SLC1A6: variants seen among roughly 807,000 people sequenced by gnomAD.
SLC1A6 encodes excitatory amino acid transporter 4.
In SLC1A6, 15 loss-of-function variants were observed where a neutral mutation model predicts 42.1. The ratio of observed to expected loss-of-function variants is 0.36; its 90% confidence interval spans 0.24 to 0.55. The LOEUF (loss-of-function observed/expected upper bound fraction) is 0.55, where lower values mean the gene tolerates loss of function less well. Ranked by LOEUF, SLC1A6 falls within the 20% of genes least tolerant of loss-of-function variation. The probability of loss-of-function intolerance (pLI) is 0.88; values close to 1 mark genes in which losing one functional copy is unlikely to be tolerated. For synonymous variants in SLC1A6, 317 were observed against 319.7 expected (o/e 0.99, Z 0.09); for missense variants, 542 against 772.5 (o/e 0.70, Z 3.54).
chr19:14,952,336 CAGG>C (rs957061246), intron 9 of SLC1A6, among the ~76,000 whole-genome samples: 8 of 151,230 alleles, frequency 5.3e-5, no homozygotes, highest in Admixed American at 5.3e-4. Flanking sequence ...ATCACGAGGT[CAGG>C]AGATCGAGAC....
chr19:15,004,426 C>T lies in SLC1A6; in HGVS notation c.6+6059G>A, dbSNP rs558059744. The stretch of plus-strand genomic sequence containing the variant: ...ATAGTAAAACAAAAAATAAGGCTGG[C>T]CATGGTGGCTTGTGGCCATAATCCC... On this transcript the variant is annotated intron_variant, in intron 1 of 8. Transcript: ENST00000430939. Among the ~76,000 whole-genome samples, 8 of 151,134 alleles carry T rather than the reference C, an allele frequency of 5.3e-5. No homozygotes were observed. In the South Asian group the frequency reaches 1.7e-3, roughly 32 times the overall value.
intron 3 of SLC1A6, among the ~76,000 whole-genome samples, chr19:14,968,783 C>T (rs1229579722): frequency 6.6e-6 from 1 of 152,118 alleles, no homozygotes; most frequent in African/African-American, 2.4e-5. Context: ...TCCAAGCCAC[C>T]TTTTCCACAC....
chr19:14,981,442 T>C (rs2045767243), upstream of SLC1A6, among the ~76,000 whole-genome samples: 1 of 152,222 alleles, frequency 6.6e-6, no homozygotes. Context: ...CTGTCCTAGA[T>C]GTCAGATTCC....
chr19:14,998,072 A>C (rs2045855773), intron 1 of SLC1A6, among the ~76,000 whole-genome samples: 1 of 152,120 alleles, frequency 6.6e-6, no homozygotes, highest in Non-Finnish European at 1.5e-5. Context: ...CATGTAAACT[A>C]AAAATAAAAT....
chr19:14,961,198 C>T (rs1278720971), intron 6 of SLC1A6: 1 of 152,188 alleles, frequency 6.6e-6, no homozygotes, highest in Non-Finnish European at 1.5e-5. Flanking sequence ...TGAGCCACCA[C>T]ACCCTGCCTA....
intron 4 of SLC1A6, among the ~76,000 whole-genome samples, chr19:14,965,027 T>C (rs1218259794): frequency 6.6e-6 from 1 of 151,564 alleles, no homozygotes; most frequent in Non-Finnish European, 1.5e-5. Context: ...AGATTTCTTT[T>C]TTTTTTTTTT....
At chr19:14,956,842 C>T in intron 6 of SLC1A6, 133 bp from the exon 7 acceptor site, 1 of 602,120 alleles carries the variant, frequency 1.7e-6, no homozygotes, top group Non-Finnish European at 2.9e-6. Context: ...CACCCTACTC[C>T]ATCCCAGTCT....
chr19:14,953,868 C>T (rs1429753986), intron 8 of SLC1A6, among the ~76,000 whole-genome samples: 1 of 152,162 alleles, frequency 6.6e-6, no homozygotes, highest in Non-Finnish European at 1.5e-5. Flanking sequence ...ATGCACCAGC[C>T]ATGCTTTGGA....
chr19:15,005,427 T>C (rs1215508553), intron 1 of SLC1A6, among the ~76,000 whole-genome samples: 1 of 152,070 alleles, frequency 6.6e-6, no homozygotes, highest in Non-Finnish European at 1.5e-5. Flanking sequence ...GAGAATCACT[T>C]GAACCTGGGA....
chr19:15,009,667 A>C (rs537759100), intron 1 of SLC1A6, among the ~76,000 whole-genome samples: 45 of 152,134 alleles, frequency 3.0e-4, no homozygotes, highest in Admixed American at 2.7e-3. Context: ...AATGTACACT[A>C]TTTGGGTGAT....
At position 14,956,513 on chromosome 19, in the gene SLC1A6, G is replaced by C. The variant is rs2045464523; in HGVS notation, c.1132C>G (p.Leu378Val). ...CCCATAGCGGTGATGAGGGCTTGTA[G>C]CATGCCCCCAATGAAGGGGAAGGGG... Reference protein sequence around the residue: ...RNPFPFIGGMLQALITAMGTS... With the variant: ...RNPFPFIGGMVQALITAMGTS... The change falls in exon 7 of 10, where the codon CTA becomes GTA. Residue 378 changes from leucine (L) to valine (V), a missense_variant. This residue lies in a region of SLC1A6 where 298 missense variants were observed against 419.4 expected (regional missense o/e 0.71). Coordinates refer to ENST00000594383, the MANE Select transcript of SLC1A6 (RefSeq NM_005071.3). 6 of 1,606,140 alleles carry C rather than the reference G, an allele frequency of 3.7e-6. No homozygotes were observed. Among genetic ancestry groups the C allele is most frequent in the Non-Finnish European group, 5.1e-6 (6 of 1,175,516 alleles).
At chr19:15,008,949 T>C (rs1436405483) in intron 1 of SLC1A6, among the ~76,000 whole-genome samples, 1 of 151,326 alleles carries the variant, frequency 6.6e-6, no homozygotes, top group Admixed American at 6.6e-5. Flanking sequence ...TGAGCCGAGA[T>C]CATGCCACTG....
chr19:14,958,564 G>A (rs1242281689), intron 6 of SLC1A6, among the ~76,000 whole-genome samples: 1 of 152,026 alleles, frequency 6.6e-6, no homozygotes, highest in Non-Finnish European at 1.5e-5. Flanking sequence ...CTCCAAACTG[G>A]GCTCAGAGTT....
chr19:14,964,152 C>G (rs376976002), intron 5 of SLC1A6, 167 bp downstream of exon 5: 41 of 650,832 alleles, frequency 6.3e-5, no homozygotes, highest in South Asian at 2.4e-4. Flanking sequence ...CCTAACCCCC[C>G]CAGATCACCA....
chr19:15,003,744 A>C (rs1424031718), intron 1 of SLC1A6, among the ~76,000 whole-genome samples: 5 of 152,062 alleles, frequency 3.3e-5, no homozygotes, highest in African/African-American at 1.2e-4. Context: ...CTGCAATTTC[A>C]CTCGATTTCG....
At chr19:14,955,207 T>C (rs1459886052) in intron 7 of SLC1A6, among the ~76,000 whole-genome samples, 5 of 152,210 alleles carry the variant, frequency 3.3e-5, no homozygotes, top group Non-Finnish European at 2.9e-5. Flanking sequence ...AGTTTAATTC[T>C]AGGATACAGT....
At chr19:14,996,588 C>CTTCTTCTTCTTCT (rs1555710449) in intron 1 of SLC1A6, among the ~76,000 whole-genome samples, 37 of 150,470 alleles carry the variant, frequency 2.5e-4, no homozygotes, top group Non-Finnish European at 3.4e-4. Context: ...TCTTCTTCCT[C>CTTCTTCTTCTTCT]TCATTGTACC....
At chr19:14,991,183 G>A (rs758396268) in intron 1 of SLC1A6, among the ~76,000 whole-genome samples, 4 of 152,128 alleles carry the variant, frequency 2.6e-5, no homozygotes, top group South Asian at 2.1e-4. Flanking sequence ...TCCTAGATTT[G>A]GAAAGCAGAT....
chr19:14,996,374 T>C (rs1000168165), intron 1 of SLC1A6, among the ~76,000 whole-genome samples: 5 of 152,150 alleles, frequency 3.3e-5, no homozygotes, highest in African/African-American at 4.8e-5. Flanking sequence ...AAGGTAATGG[T>C]TGCACAACAA....
Sources: gnomAD v4.1 joint callset for allele counts (sites outside exome capture counted in the v4.1 genomes callset) on GRCh38, gnomAD v4.1.1 for gene constraint, gnomAD v4.1.1 regional missense constraint, MANE v1.5 for transcripts, NCBI Gene and HGNC (gene_info 2026-07-23, HGNC 2026-07-21) for gene names.